MMP28: variants seen among roughly 807,000 people sequenced by gnomAD.
MMP28 encodes the protein matrix metalloproteinase-28.
In MMP28, 55 loss-of-function variants were observed where a neutral mutation model predicts 60.5. That is an observed-to-expected ratio of 0.91 (90% CI 0.73 to 1.14). MMP28 has a LOEUF of 1.14. Among genes scored for constraint, MMP28 ranks in the 50% most tolerant of loss-of-function variants. MMP28 has a pLI of 0.00. For missense variants in MMP28, 686 were observed against 738.3 expected (o/e 0.93, Z 0.82); for synonymous variants, 318 against 312.5 (o/e 1.02, Z -0.18).
intron 1 of MMP28, among the ~76,000 whole-genome samples, chr17:35,792,314 A>G (rs536044334): frequency 2.0e-5 from 3 of 152,218 alleles, no homozygotes; most frequent in South Asian, 4.1e-4. Flanking sequence ...CCCCGCTCCC[A>G]ACACTCATCC....
At chr17:35,782,193 A>T (rs146236169) in intron 1 of MMP28, among the ~76,000 whole-genome samples, 3,120 of 151,962 alleles carry the variant, frequency 0.021, 64 homozygotes, top group East Asian at 0.11. Flanking sequence ...CTGGGACTAC[A>T]GGTGCCCACC....
At chr17:35,786,699 C>CAAAAAAAAAAAAAAAAAAAAAAAA (rs200165337) in intron 1 of MMP28, among the ~76,000 whole-genome samples, 847 of 70,844 alleles carry the variant, frequency 0.012, 59 homozygotes, top group African/African-American at 0.024. Flanking sequence ...CCTGTCTCTA[C>CAAAAAAAAAAAAAAAAAAAAAAAA]AAAAAAAAAA....
chr17:35,756,290 T>A, exon 3 of MMP28: 3 of 491,004 alleles, frequency 6.1e-6, no homozygotes, highest in Non-Finnish European at 5.3e-6. Flanking sequence ...TAGAGACAGA[T>A]GATCCAAAGT....
chr17:35,763,861 C>A, downstream of MMP28: 1 of 613,036 alleles, frequency 1.6e-6, no homozygotes, highest in Non-Finnish European at 2.3e-6. Context: ...CACGCCACTG[C>A]ACTCTAGCCT....
chr17:35,775,083 G>A lies in MMP28; in HGVS notation c.380-1679C>T, dbSNP rs115405607. On this transcript the variant is annotated intron_variant, in intron 3 of 7. Transcript: ENST00000605424. ...GCGGGCAGTTTTCTCATTCTAGGCC[G>A]CCAGTGAAGGTGACAGGTCTCAGAA... is the stretch of plus-strand genomic sequence containing the variant. 7.2e-3 allele frequency among the ~76,000 whole-genome samples: 1,100 copies of A among 152,270 alleles called. 13 individuals are homozygous for A. Among genetic ancestry groups the A allele is most frequent in the African/African-American group, 0.025 (1,031 of 41,536 alleles).
Position 35,766,944 on chromosome 17 carries a change from G to T in MMP28, c.1169-50C>A, listed in dbSNP as rs755099239. The T allele has an allele frequency of 3.1e-5, 47 of 1,510,808 alleles. No individual in the cohort carries two copies. Among genetic ancestry groups the T allele is most frequent in the Non-Finnish European group, 3.8e-5 (43 of 1,117,504 alleles). 93.6% of individuals were successfully genotyped at this position (1,510,808 alleles called of 1,614,324 possible). On this transcript the variant is annotated intron_variant, in intron 7 of 7. Transcript: ENST00000605424. This position sits in a 1 kb window ranked among gnomAD's most constrained non-coding sequence, Gnocchi z 4.3. Reference sequence around the variant, plus strand: ...GTGAGCTGGAGGCTGTCACCCATTGGCCCTCTACCCCACTTCTGTCCCCCA... The same window carrying T: ...GTGAGCTGGAGGCTGTCACCCATTGTCCCTCTACCCCACTTCTGTCCCCCA...
At chr17:35,774,783 C>T (rs1267764633) in intron 3 of MMP28, among the ~76,000 whole-genome samples, 4 of 152,158 alleles carry the variant, frequency 2.6e-5, no homozygotes, top group Non-Finnish European at 5.9e-5. Flanking sequence ...GAGGGAATGA[C>T]TCTAAGGAAG....
At chr17:35,764,369 C>A (rs375343724), downstream of MMP28, 6 of 1,452,806 alleles carry the variant, frequency 4.1e-6, no homozygotes, top group African/African-American at 7.4e-5. Context: ...AGGCGGTGCC[C>A]GGGCCCCAGG....
intron 7 of MMP28, 141 bp downstream of exon 7, chr17:35,767,611 G>A: frequency 1.0e-6 from 1 of 998,162 alleles, no homozygotes; most frequent in Non-Finnish European, 1.4e-6. Context: ...AGTCTTCCCT[G>A]GGGTCACAGG....
chr17:35,794,022 C>T (rs1439059615), intron 1 of MMP28, among the ~76,000 whole-genome samples: 4 of 151,774 alleles, frequency 2.6e-5, no homozygotes, highest in Admixed American at 1.3e-4. Flanking sequence ...CGCTTGAACC[C>T]GGGAGGTAGA....
chr17:35,760,936 G>A (rs2085804341), downstream of MMP28: 1 of 1,613,686 alleles, frequency 6.2e-7, no homozygotes, highest in African/African-American at 1.3e-5. Flanking sequence ...CACAGCCTTG[G>A]GAAGAATGGA....
chr17:35,758,142 A>T (rs1555600777), intron 2 of MMP28: 1 of 151,960 alleles, frequency 6.6e-6, no homozygotes, highest in African/African-American at 2.4e-5. Flanking sequence ...TATTTCTATA[A>T]ATAGCAGAAA....
chr17:35,764,668 C>A, downstream of MMP28: 3 of 1,511,088 alleles, frequency 2.0e-6, no homozygotes, highest in Non-Finnish European at 2.6e-6. Flanking sequence ...TGGCCCCAGA[C>A]CCCCTACCGA....
At chr17:35,776,451 A>T (rs1207759321) in intron 3 of MMP28, among the ~76,000 whole-genome samples, 1 of 152,074 alleles carries the variant, frequency 6.6e-6, no homozygotes, top group South Asian at 2.1e-4. Context: ...GCTGGGATTA[A>T]AGATGTGAGC....
intron 2 of MMP28, among the ~76,000 whole-genome samples, chr17:35,758,834 C>T (rs140786635): frequency 2.0e-5 from 3 of 152,070 alleles, no homozygotes; most frequent in Non-Finnish European, 4.4e-5. Flanking sequence ...GGATGCACAT[C>T]CTAAGGATGG....
rs545346264 is a variant in MMP28, at chr17:35,779,404, C to G, written c.112-81G>C. The G allele has an allele frequency of 3.5e-6, 4 of 1,128,146 alleles. No homozygotes were observed. In the African/African-American group the frequency reaches 6.1e-5, roughly 17 times the overall value. 69.9% of individuals were successfully genotyped at this position (1,128,146 alleles called of 1,614,324 possible). A position where few individuals can be genotyped will look rare whatever the true frequency, so the allele number is the denominator to read the frequency against. On this transcript the variant is annotated intron_variant, in intron 1 of 7. Coordinates refer to ENST00000605424, the MANE Select transcript of MMP28 (RefSeq NM_024302.5). ...CCCCAAGGGCCCAGGGCACATACATCCTGCCCAGTCTCACCTCTTGTCTTT... is the reference window on the plus strand; with the variant it reads ...CCCCAAGGGCCCAGGGCACATACATGCTGCCCAGTCTCACCTCTTGTCTTT...
rs769187075 is a variant in MMP28 at position 35,767,759 on chromosome 17, G to A, written c.1161C>T (p.Phe387=). Residue 387 remains phenylalanine (F), a synonymous_variant, in exon 7 of 8, where the codon TTC becomes TTT. Transcript: ENST00000605424. ...CTGCCCCAGAGCCAGTACCTTTGAA[G>A]AAGTAGAAATCTCCATCATTCAATG... ...AVSLNDGDFY[F]FKGGRCWRFR... 54 of 1,558,968 alleles carry A rather than the reference G, an allele frequency of 3.5e-5. No homozygotes were observed. In the East Asian group the frequency reaches 1.2e-3, roughly 33 times the overall value.
At chr17:35,764,267 T>C, downstream of MMP28, 2 of 1,538,192 alleles carry the variant, frequency 1.3e-6, no homozygotes, top group Admixed American at 4.0e-5. Flanking sequence ...GGACAGCGGC[T>C]TCTGGGGCTG....
chr17:35,763,629 A>AG (rs1555601951), downstream of MMP28, among the ~76,000 whole-genome samples: 2 of 150,376 alleles, frequency 1.3e-5, no homozygotes, highest in Admixed American at 6.6e-5. Flanking sequence ...GGGTGCAGTG[A>AG]CTCACGCCTG....
Sources: allele counts gnomAD v4.1 joint callset (sites outside exome capture counted in the v4.1 genomes callset), GRCh38; gene constraint gnomAD v4.1.1; non-coding constraint Gnocchi (gnomAD v3.1); transcripts MANE v1.5; gene names NCBI Gene and HGNC (gene_info 2026-07-23, HGNC 2026-07-21).